Variants in PAFAH1B2 observed in about 807,000 individuals in gnomAD.
The protein encoded by PAFAH1B2 is platelet-activating factor acetylhydrolase IB subunit alpha2.
PAFAH1B2 carries 8 observed loss-of-function variants against 28.0 expected under a neutral mutation model. That is an observed-to-expected ratio of 0.29 (90% CI 0.17 to 0.52). PAFAH1B2 has a LOEUF of 0.52. Ranked by LOEUF, PAFAH1B2 falls within the 20% of genes least tolerant of loss-of-function variation. The pLI is 0.97. For missense variants in PAFAH1B2, 190 were observed against 282.6 expected, an observed-to-expected ratio of 0.67 and a Z score of 2.35; for synonymous variants, 104 against 103.2, an observed-to-expected ratio of 1.01 and a Z score of -0.05.
intron 1 of PAFAH1B2, among the ~76,000 whole-genome samples, chr11:117,146,860 A>G (rs1956022875): frequency 6.7e-6 from 1 of 148,906 alleles, no homozygotes; most frequent in African/African-American, 2.5e-5. Flanking sequence ...AAAAAAGGTC[A>G]GGCAGCTATT....
At chr11:117,176,177 T>C in exon 6 of PAFAH1B2, 1 of 517,264 alleles carries the variant, frequency 1.9e-6, no homozygotes, top group Non-Finnish European at 3.4e-6. Context: ...TAATGAGGGG[T>C]TGGCCAAGGA....
In PAFAH1B2 at chr11:117,168,035, T is replaced by G. The variant is rs930008271; in HGVS notation, c.*336T>G. 2 of 1,067,404 alleles carry G rather than the reference T, an allele frequency of 1.9e-6. No individual in the cohort carries two copies. Among genetic ancestry groups the G allele is most frequent in the Admixed American group, 5.3e-5 (1 of 18,812 alleles). 66.1% of individuals were successfully genotyped at this position (1,067,404 alleles called of 1,614,324 possible). On this transcript the variant is annotated 3_prime_UTR_variant, in exon 6 of 6. Transcript: ENST00000527958. ...AAATACTGAACAATATGAAGATTCT[T>G]TTCTTGGCCTTTCTGTGGATTATGT... is the stretch of plus-strand genomic sequence containing the variant.
intron 2 of PAFAH1B2, among the ~76,000 whole-genome samples, chr11:117,153,192 C>G (rs1214121120): frequency 6.6e-6 from 1 of 152,200 alleles, no homozygotes; most frequent in East Asian, 1.9e-4. Flanking sequence ...AAATGTCCTG[C>G]CTCTTCACCA....
intron 1 of PAFAH1B2, among the ~76,000 whole-genome samples, chr11:117,150,177 T>A (rs1956116405): frequency 6.6e-6 from 1 of 152,226 alleles, no homozygotes; most frequent in Non-Finnish European, 1.5e-5. Flanking sequence ...TTTAAATTAA[T>A]AATTTTTTGG....
intron 2 of PAFAH1B2, among the ~76,000 whole-genome samples, chr11:117,158,847 G>A (rs1956310546): frequency 6.6e-6 from 1 of 152,040 alleles, no homozygotes; most frequent in African/African-American, 2.4e-5. Flanking sequence ...GTTTCACCAT[G>A]TTGGCTGGGC....
At position 117,163,854 on chromosome 11, in the gene PAFAH1B2, A is replaced by G. The variant is rs764682153; in HGVS notation, c.373A>G (p.Ile125Val). Residue 125 changes from isoleucine to valine, a missense_variant, in exon 5 of 6, where the codon ATC (isoleucine) becomes GTC (valine). Physicochemically the swap from Ile to Val is conservative, Grantham distance 29. Coordinates refer to ENST00000527958, the MANE Select transcript of PAFAH1B2 (RefSeq NM_002572.4). ...TGGGATCGAGGCCATTGTACAACTTATCAACACAAGGCAGCCACAGGCCAA... is the reference window on the plus strand; with the variant it reads ...TGGGATCGAGGCCATTGTACAACTTGTCAACACAAGGCAGCCACAGGCCAA... Reference protein sequence around the residue: ...AGGIEAIVQLINTRQPQAKII... With the variant: ...AGGIEAIVQLVNTRQPQAKII... 1 of 1,614,076 alleles carries G rather than the reference A, an allele frequency of 6.2e-7. No homozygotes were observed. The highest frequency in any genetic ancestry group is 8.5e-7 in the Non-Finnish European group (1 of 1,179,966).
In PAFAH1B2 at chr11:117,160,035, A is replaced by C; in HGVS notation, c.171+12A>C. ...TGCAGCAATATGAGGTAAAGGTGGA[A>C]GGGATGAGCGTGGTTCTTGGCTACT... is the stretch of plus-strand genomic sequence containing the variant. On this transcript the variant is annotated intron_variant, in intron 3 of 5. Coordinates refer to ENST00000527958, the MANE Select transcript of PAFAH1B2 (RefSeq NM_002572.4). 6.3e-7 allele frequency: 1 copy of C among 1,588,568 alleles called. No homozygotes were observed. Among genetic ancestry groups the C allele is most frequent in the Non-Finnish European group, 8.6e-7 (1 of 1,156,668 alleles).
intron 2 of PAFAH1B2, among the ~76,000 whole-genome samples, chr11:117,157,261 T>C (rs1001307438): frequency 6.6e-6 from 1 of 151,744 alleles, no homozygotes; most frequent in Non-Finnish European, 1.5e-5. Context: ...GGAAGTGTTT[T>C]GTTTTCTTTT....
intron 4 of PAFAH1B2, among the ~76,000 whole-genome samples, chr11:117,163,533 C>T (rs1291393197): frequency 2.0e-5 from 3 of 152,002 alleles, no homozygotes; most frequent in African/African-American, 4.8e-5. Context: ...ATTAGCTGGG[C>T]GTGGCGGCAC....
chr11:117,153,084 C>CA (rs1253028408), intron 2 of PAFAH1B2, among the ~76,000 whole-genome samples: 7 of 152,010 alleles, frequency 4.6e-5, no homozygotes, highest in African/African-American at 1.2e-4. Context: ...AAAAAACAAA[C>CA]AAAAAAACTG....
At chr11:117,165,319 C>T (rs1956480852) in intron 5 of PAFAH1B2, among the ~76,000 whole-genome samples, 2 of 145,276 alleles carry the variant, frequency 1.4e-5, no homozygotes, top group South Asian at 4.4e-4. Flanking sequence ...CACTGCACTC[C>T]AGCCTGGGCA....
rs1956564166 is a variant in PAFAH1B2, at chr11:117,168,446, G to GTTGTT, written c.*749_*750insGTTTT. 5 of 235,950 alleles carry GTTGTT rather than the reference G, an allele frequency of 2.1e-5. No homozygotes were observed. Among genetic ancestry groups the GTTGTT allele is most frequent in the Non-Finnish European group, 2.5e-5 (5 of 201,212 alleles). The allele number at this position is 235,950 out of a possible 1,614,324, so 14.6% of individuals were successfully genotyped here. ...TCCCCTTCATTCCCCCCGCCACCCC[G>GTTGTT]TTTTTTTTTTTTTTTTTTTTTTTTT... is the stretch of plus-strand genomic sequence containing the variant. On this transcript the variant is annotated 3_prime_UTR_variant, in exon 6 of 6. Transcript: ENST00000527958.
chr11:117,175,709 T>G (rs2029940189), downstream of PAFAH1B2: 1 of 1,161,910 alleles, frequency 8.6e-7, no homozygotes. Flanking sequence ...CCAAGATGAA[T>G]TAAGTGTGAA....
chr11:117,169,807 G>C lies in PAFAH1B2; in HGVS notation c.*2108G>C. The C allele has an allele frequency of 9.5e-7, 1 of 1,056,138 alleles. No homozygotes were observed. The highest frequency in any genetic ancestry group is 5.3e-5 in the East Asian group (1 of 18,858). 65.4% of individuals were successfully genotyped at this position (1,056,138 alleles called of 1,614,324 possible). On this transcript the variant is annotated 3_prime_UTR_variant, in exon 6 of 6. Transcript: ENST00000527958. ...TAAGCCAGATTTTTGTGTGTGGAAA[G>C]ACAGTTTTCTATCCACGTCTTTTTC...
chr11:117,170,704 A>G lies in PAFAH1B2; in HGVS notation c.*3005A>G, dbSNP rs1010587196. 1.2e-5 allele frequency: 13 copies of G among 1,060,544 alleles called. No individual in the cohort carries two copies. The African/African-American group carries it at 1.6e-4, about 13-fold the overall frequency. The allele number at this position is 1,060,544 out of a possible 1,614,324, so 65.7% of individuals were successfully genotyped here. A position where few individuals can be genotyped will look rare whatever the true frequency, so the allele number is the denominator to read the frequency against. On this transcript the variant is annotated 3_prime_UTR_variant, in exon 6 of 6. Transcript: ENST00000527958. ...TAGTCACTGTTTACAATTGTATGCT[A>G]AAGCCTGAAATATTGTCTGTGCTGT...
chr11:117,177,477 A>AT (rs1405724197), downstream of PAFAH1B2, among the ~76,000 whole-genome samples: 8 of 152,064 alleles, frequency 5.3e-5, no homozygotes, highest in South Asian at 2.1e-4. Flanking sequence ...GTTTAGTACA[A>AT]TTTTTTTCTA....
intron 2 of PAFAH1B2, 118 bp from the exon 3 acceptor site, chr11:117,159,816 C>G: frequency 1.5e-6 from 1 of 689,394 alleles, no homozygotes; most frequent in Non-Finnish European, 2.6e-6. Flanking sequence ...ATCTCAAACT[C>G]CTGACCTCAA....
At chr11:117,158,274 T>C (rs1956296888) in intron 2 of PAFAH1B2, among the ~76,000 whole-genome samples, 1 of 152,176 alleles carries the variant, frequency 6.6e-6, no homozygotes, top group East Asian at 1.9e-4. Context: ...ATGCCTGGGC[T>C]CAAGCTATCC....
intron 4 of PAFAH1B2, among the ~76,000 whole-genome samples, chr11:117,162,200 T>G (rs1437300801): frequency 6.6e-6 from 1 of 152,116 alleles, no homozygotes; most frequent in Non-Finnish European, 1.5e-5. Context: ...GTGGCATGAT[T>G]ATAGCTCACT....
Sources: gnomAD v4.1 joint callset for allele counts (sites outside exome capture counted in the v4.1 genomes callset) on GRCh38, gnomAD v4.1.1 for gene constraint, MANE v1.5 for transcripts, NCBI Gene and HGNC (gene_info 2026-07-23, HGNC 2026-07-21) for gene names.